The following FBXL17 variants were observed in gnomAD, a reference collection of about 807,000 sequenced individuals.
FBXL17 encodes the protein F-box and leucine rich repeat protein 17, also known as F-box/LRR-repeat protein 17.
In FBXL17, 22 loss-of-function variants were observed where a neutral mutation model predicts 66.2. That is an observed-to-expected ratio of 0.33 (90% CI 0.24 to 0.47). FBXL17 has a LOEUF of 0.47. FBXL17 is among the 20% of genes least tolerant of loss of function. FBXL17 has a pLI of 1.00. For missense variants in FBXL17, 878 were observed against 948.2 expected (o/e 0.93, Z 0.97); for synonymous variants, 474 against 400.5 (o/e 1.18, Z -2.19).
chr5:108,140,656 G>A (rs1751313661), intron 6 of FBXL17, among the ~76,000 whole-genome samples: 1 of 152,096 alleles, frequency 6.6e-6, no homozygotes, highest in Admixed American at 6.5e-5. Flanking sequence ...GGCTGTAACA[G>A]TCACCTATAG....
rs1247032378 is a variant in FBXL17, at chr5:108,381,472, C to G, written c.220G>C (p.Ala74Pro). 4.5e-6 allele frequency: 6 copies of G among 1,321,880 alleles called. No individual in the cohort carries two copies. The East Asian group carries it at 1.9e-4, about 41-fold the overall frequency. The allele number at this position is 1,321,880 out of a possible 1,614,324, so 81.9% of individuals were successfully genotyped here. ...AGCGGCGGCTCCTCCTCTGGGCCGG[C>G]GGGGGCGGGCGCGCCGGGACTGTGC... Reference protein sequence around the residue: ...IVHSPGAPAPAGPEEEPPLSP... With the variant: ...IVHSPGAPAPPGPEEEPPLSP... The change falls in exon 1 of 9, where the codon GCC becomes CCC. Residue 74 changes from alanine (A) to proline (P), a missense_variant. Physicochemically the swap from Ala to Pro is conservative, Grantham distance 27 (BLOSUM62 -1). Coordinates refer to ENST00000542267, the MANE Select transcript of FBXL17 (RefSeq NM_001163315.3).
intron 5 of FBXL17, among the ~76,000 whole-genome samples, chr5:108,210,279 T>C (rs1346152084): frequency 6.6e-6 from 1 of 152,188 alleles, no homozygotes. Context: ...ATTCATTGAT[T>C]TTTTGAAGGT....
chr5:108,156,570 A>G (rs1057150587), intron 6 of FBXL17, among the ~76,000 whole-genome samples: 2 of 151,972 alleles, frequency 1.3e-5, no homozygotes, highest in Non-Finnish European at 2.9e-5. Flanking sequence ...TGGAAATTTT[A>G]GCATCCTATT....
chr5:108,288,543 G>A (rs547408651), intron 4 of FBXL17, among the ~76,000 whole-genome samples: 8 of 151,848 alleles, frequency 5.3e-5, no homozygotes, highest in African/African-American at 1.9e-4. Context: ...ACATTATGTA[G>A]CTCTATTGCA....
At chr5:108,007,446 A>G (rs1437387252) in intron 7 of FBXL17, among the ~76,000 whole-genome samples, 2 of 152,210 alleles carry the variant, frequency 1.3e-5, no homozygotes, top group African/African-American at 4.8e-5. Context: ...AGCAGGTTGT[A>G]GATTTAGATA....
chr5:108,316,883 A>G (rs1487831388), intron 4 of FBXL17, among the ~76,000 whole-genome samples: 1 of 151,362 alleles, frequency 6.6e-6, no homozygotes, highest in East Asian at 1.9e-4. Flanking sequence ...TTATACATCC[A>G]GTTAATTACA....
At chr5:108,153,777 ACT>A (rs1208460238) in intron 6 of FBXL17, among the ~76,000 whole-genome samples, 1 of 152,082 alleles carries the variant, frequency 6.6e-6, no homozygotes, top group African/African-American at 2.4e-5. Flanking sequence ...CCATGAGAAC[ACT>A]CTCTACACTG....
At chr5:108,026,476 T>A (rs1158198231) in intron 6 of FBXL17, among the ~76,000 whole-genome samples, 1 of 152,182 alleles carries the variant, frequency 6.6e-6, no homozygotes, top group African/African-American at 2.4e-5. Context: ...CTAAGTCAAT[T>A]TTTCATGTAA....
At chr5:108,186,374 T>C in intron 5 of FBXL17, 127 bp from the exon 6 acceptor site, 1 of 684,412 alleles carries the variant, frequency 1.5e-6, no homozygotes. Context: ...GGCTAGAATC[T>C]TTTAATTAAA....
chr5:108,264,340 A>G (rs1054613504), intron 4 of FBXL17, among the ~76,000 whole-genome samples: 1 of 152,012 alleles, frequency 6.6e-6, no homozygotes, highest in African/African-American at 2.4e-5. Flanking sequence ...CTATAAGTTA[A>G]GAGCACCCAA....
intron 7 of FBXL17, among the ~76,000 whole-genome samples, chr5:107,981,934 C>T (rs1752846675): frequency 6.6e-6 from 1 of 152,050 alleles, no homozygotes; most frequent in Non-Finnish European, 1.5e-5. Flanking sequence ...AACTTTATTA[C>T]AGAAAAATGT....
At chr5:107,882,367 T>TTA (rs1748820920) in intron 7 of FBXL17, among the ~76,000 whole-genome samples, 1 of 151,964 alleles carries the variant, frequency 6.6e-6, no homozygotes, top group Non-Finnish European at 1.5e-5. Context: ...TTTTTTTTTT[T>TTA]ACTAGAAAAC....
chr5:107,971,579 A>G (rs1752375379), intron 7 of FBXL17, among the ~76,000 whole-genome samples: 1 of 152,100 alleles, frequency 6.6e-6, no homozygotes, highest in Non-Finnish European at 1.5e-5. Flanking sequence ...ATAAGCTACA[A>G]TTTGGTGCGT....
chr5:108,283,010 C>T (rs1322066060), intron 4 of FBXL17, among the ~76,000 whole-genome samples: 1 of 150,276 alleles, frequency 6.7e-6, no homozygotes, highest in East Asian at 1.9e-4. Context: ...TTATAGATGA[C>T]AAAAATGAGA....
chr5:108,329,167 G>C lies in FBXL17; in HGVS notation c.1506+19232C>G, dbSNP rs1461021769. On this transcript the variant is annotated intron_variant, in intron 4 of 8. Transcript: ENST00000542267. Reference sequence around the variant, plus strand: ...AAAAGAAATTGAGGCAGCTCTTTCTGGAAATAAACCCTACAGGAGAAACAC... The same window carrying C: ...AAAAGAAATTGAGGCAGCTCTTTCTCGAAATAAACCCTACAGGAGAAACAC... 2.6e-5 allele frequency among the ~76,000 whole-genome samples: 4 copies of C among 151,926 alleles called. No individual in the cohort carries two copies. In the East Asian group the frequency reaches 7.7e-4, roughly 29 times the overall value.
intron 6 of FBXL17, among the ~76,000 whole-genome samples, chr5:108,021,544 A>G: frequency 6.6e-6 from 1 of 151,862 alleles, no homozygotes; most frequent in African/African-American, 2.4e-5. Flanking sequence ...TTTACTTTAA[A>G]GTATCTTATT....
chr5:108,197,277 T>G, intron 5 of FBXL17, among the ~76,000 whole-genome samples: 1 of 152,182 alleles, frequency 6.6e-6, no homozygotes, highest in East Asian at 1.9e-4. Flanking sequence ...ACTGTTTCAC[T>G]TAAAGAAGAA....
chr5:108,327,577 T>C (rs1156409413), intron 4 of FBXL17, among the ~76,000 whole-genome samples: 2 of 152,288 alleles, frequency 1.3e-5, no homozygotes, highest in African/African-American at 4.8e-5. Context: ...GATATGTTAC[T>C]AGGAGTAAAA....
intron 6 of FBXL17, among the ~76,000 whole-genome samples, chr5:108,077,536 G>C (rs1300007421): frequency 6.6e-6 from 1 of 151,930 alleles, no homozygotes; most frequent in Non-Finnish European, 1.5e-5. Flanking sequence ...GGTAGCATGT[G>C]CCTATGGTCC....
Sources: gnomAD v4.1 joint callset for allele counts (sites outside exome capture counted in the v4.1 genomes callset) on GRCh38, gnomAD v4.1.1 for gene constraint, MANE v1.5 for transcripts, NCBI Gene and HGNC (gene_info 2026-07-23, HGNC 2026-07-21) for gene names.